Variants in EXOC4 observed in about 807,000 individuals in gnomAD.
EXOC4 encodes the protein SEC8-like 1.
EXOC4 carries 71 observed loss-of-function variants against 107.2 expected under a neutral mutation model. The ratio of observed to expected loss-of-function variants is 0.66; its 90% CI spans 0.55 to 0.81. The LOEUF is 0.81. Ranked by LOEUF, EXOC4 falls within the 30% of genes least tolerant of loss-of-function variation. The pLI, the probability that EXOC4 is intolerant of heterozygous loss-of-function variation, is 0.00. For missense variants in EXOC4, 1,108 were observed against 1,189.6 expected, an observed-to-expected ratio of 0.93 and a Z score of 1.01; for synonymous variants, 456 against 441.2, an observed-to-expected ratio of 1.03 and a Z score of -0.42.
chr7:133,903,935 C>T (rs1281897656), intron 12 of EXOC4, among the ~76,000 whole-genome samples: 4 of 152,122 alleles, frequency 2.6e-5, no homozygotes, highest in African/African-American at 9.7e-5. Context: ...CATTAGAACT[C>T]AGCACGGACT....
chr7:134,049,162 A>C (rs1274777094), intron 17 of EXOC4, among the ~76,000 whole-genome samples: 1 of 152,238 alleles, frequency 6.6e-6, no homozygotes, highest in Non-Finnish European at 1.5e-5. Flanking sequence ...ACAATAAAAC[A>C]TGTAACCTTT....
intron 7 of EXOC4, among the ~76,000 whole-genome samples, chr7:133,375,836 A>T (rs564457688): frequency 6.6e-6 from 1 of 152,314 alleles, no homozygotes; most frequent in African/African-American, 2.4e-5. Context: ...TGCTGAAATG[A>T]TATTTAGAAA....
chr7:133,528,372 G>C lies in EXOC4; in HGVS notation c.1417+48234G>C, dbSNP rs139938936. 1.4e-3 allele frequency among the ~76,000 whole-genome samples: 218 copies of C among 152,250 alleles called. 2 individuals carry two copies. Among genetic ancestry groups the C allele is most frequent in the African/African-American group, 5.1e-3 (210 of 41,558 alleles). Reference sequence around the variant, plus strand: ...TAATATTTTTAATTGTGAAAGTTCTGATTTTACAAATAAACTTAAGTGCGA... The same window carrying C: ...TAATATTTTTAATTGTGAAAGTTCTCATTTTACAAATAAACTTAAGTGCGA... On this transcript the variant is annotated intron_variant, in intron 9 of 17. Coordinates refer to ENST00000253861, the MANE Select transcript of EXOC4 (RefSeq NM_021807.4).
intron 11 of EXOC4, among the ~76,000 whole-genome samples, chr7:133,821,324 G>A (rs1203294215): frequency 1.3e-5 from 2 of 152,156 alleles, no homozygotes; most frequent in Non-Finnish European, 2.9e-5. Context: ...TAGCTGCCAA[G>A]TAGTAGAACT....
At chr7:133,427,557 A>T (rs1013010461) in intron 7 of EXOC4, among the ~76,000 whole-genome samples, 1 of 152,202 alleles carries the variant, frequency 6.6e-6, no homozygotes, top group Admixed American at 6.5e-5. Flanking sequence ...ATCTTGGATT[A>T]GCTTTTATCA....
chr7:133,468,445 G>C (rs1317200867), intron 7 of EXOC4, among the ~76,000 whole-genome samples: 2 of 151,968 alleles, frequency 1.3e-5, no homozygotes, highest in African/African-American at 4.8e-5. Context: ...TCTATTCATA[G>C]TAGCTCTATG....
At chr7:133,695,144 G>T (rs1480191891) in intron 10 of EXOC4, among the ~76,000 whole-genome samples, 4 of 151,056 alleles carry the variant, frequency 2.6e-5, no homozygotes, top group Admixed American at 2.0e-4. Context: ...TCTAACTATG[G>T]TAATCAACAA....
At chr7:133,253,302 C>T in intron 1 of EXOC4, 115 bp downstream of exon 1, 1 of 1,443,146 alleles carries the variant, frequency 6.9e-7, no homozygotes, top group Non-Finnish European at 9.1e-7. Flanking sequence ...TCCTTGCCTC[C>T]CGCAGCCCCT....
chr7:133,521,157 A>G (rs1461081250), intron 9 of EXOC4, among the ~76,000 whole-genome samples: 1 of 152,168 alleles, frequency 6.6e-6, no homozygotes, highest in Non-Finnish European at 1.5e-5. Flanking sequence ...TATCGAATAC[A>G]CTTACTTTAT....
chr7:133,492,468 T>A (rs888038260), intron 9 of EXOC4, among the ~76,000 whole-genome samples: 16 of 152,298 alleles, frequency 1.1e-4, no homozygotes, highest in Middle Eastern at 3.4e-3. Context: ...TTCTGTCTAA[T>A]CTAATCTAGC....
intron 7 of EXOC4, among the ~76,000 whole-genome samples, chr7:133,457,936 T>A (rs1798501118): frequency 6.6e-6 from 1 of 152,196 alleles, no homozygotes; most frequent in Non-Finnish European, 1.5e-5. Context: ...CTGTTGGTAC[T>A]TGAATTTAGC....
At chr7:133,692,582 G>C (rs140450090) in intron 10 of EXOC4, among the ~76,000 whole-genome samples, 5 of 152,292 alleles carry the variant, frequency 3.3e-5, no homozygotes, top group African/African-American at 1.2e-4. Context: ...CCATATTTGA[G>C]TGATTCCACT....
chr7:133,542,646 G>A lies in EXOC4; in HGVS notation c.1417+62508G>A, dbSNP rs557636549. On this transcript the variant is annotated intron_variant, in intron 9 of 17. Coordinates refer to ENST00000253861, the MANE Select transcript of EXOC4 (RefSeq NM_021807.4). ...CCTTGGGGGAGAATAGGACTGAGGA[G>A]GGGAGAAGATCAGAGAAAAAGCAGC... Among the ~76,000 whole-genome samples, 4 of 152,158 alleles carry A rather than the reference G, an allele frequency of 2.6e-5. No homozygotes were observed. The South Asian group carries it at 6.2e-4, about 24-fold the overall frequency.
intron 10 of EXOC4, among the ~76,000 whole-genome samples, chr7:133,672,464 T>G (rs1486809417): frequency 2.6e-5 from 4 of 152,086 alleles, no homozygotes; most frequent in African/African-American, 9.7e-5. Context: ...TAATTAACGT[T>G]TAAATAGTCA....
chr7:133,356,911 C>T (rs906551442), intron 6 of EXOC4, among the ~76,000 whole-genome samples: 60 of 152,270 alleles, frequency 3.9e-4, no homozygotes, highest in African/African-American at 1.3e-3. Flanking sequence ...ACGCAGGAGG[C>T]GGAGGTTGCA....
At chr7:133,412,920 C>A (rs1797396034) in intron 7 of EXOC4, among the ~76,000 whole-genome samples, 1 of 152,000 alleles carries the variant, frequency 6.6e-6, no homozygotes, top group Admixed American at 6.6e-5. Flanking sequence ...GACTCTGTAT[C>A]TTTCTTAGAG....
At chr7:133,333,743 C>T (rs181348098) in intron 5 of EXOC4, among the ~76,000 whole-genome samples, 64 of 152,322 alleles carry the variant, frequency 4.2e-4, no homozygotes, top group African/African-American at 1.5e-3. Context: ...ACTCCAAATC[C>T]ATGTCAACCA....
intron 7 of EXOC4, among the ~76,000 whole-genome samples, chr7:133,449,721 T>TTGTG (rs58843853): frequency 0.32 from 47,257 of 147,798 alleles, 8,001 homozygotes; most frequent in Admixed American, 0.45. Context: ...GAAAATACAT[T>TTGTG]TGTGTGTGTG....
chr7:133,572,614 C>CA (rs1801047264), intron 9 of EXOC4, among the ~76,000 whole-genome samples: 1 of 151,740 alleles, frequency 6.6e-6, no homozygotes, highest in Non-Finnish European at 1.5e-5. Context: ...GAAGTACAAG[C>CA]AAAAAAATAC....
Sources: allele counts gnomAD v4.1 joint callset (sites outside exome capture counted in the v4.1 genomes callset), GRCh38; gene constraint gnomAD v4.1.1; transcripts MANE v1.5; gene names NCBI Gene and HGNC (gene_info 2026-07-23, HGNC 2026-07-21).